The following SLC11A2 variants were observed in gnomAD, a reference collection of about 807,000 sequenced individuals.
SLC11A2 encodes solute carrier family 11 member 2, also known as natural resistance-associated macrophage protein 2.
A neutral mutation model predicts 68.0 loss-of-function variants in SLC11A2; 38 were observed. That is an observed-to-expected ratio of 0.56 (90% confidence interval 0.43 to 0.73). The LOEUF (loss-of-function observed/expected upper bound fraction) is 0.73, where lower values mean the gene tolerates loss of function less well. Ranked by LOEUF, SLC11A2 falls within the 30% of genes least tolerant of loss-of-function variation. SLC11A2 has a pLI of 0.00. For synonymous variants in SLC11A2, 242 were observed against 250.6 expected, an observed-to-expected ratio of 0.97 and a Z score of 0.32; for missense variants, 517 against 690.5, an observed-to-expected ratio of 0.75 and a Z score of 2.82.
At chr12:51,005,599 C>G (rs1437346518) in intron 3 of SLC11A2, 163 bp from the exon 4 acceptor site, 3 of 1,459,950 alleles carry the variant, frequency 2.1e-6, no homozygotes, top group East Asian at 5.9e-5. Flanking sequence ...ATCTTACCCA[C>G]TTTTTATTAA....
intron 2 of SLC11A2, among the ~76,000 whole-genome samples, chr12:51,010,455 T>C (rs1331919137): frequency 1.3e-5 from 2 of 149,546 alleles, no homozygotes; most frequent in East Asian, 2.0e-4. Flanking sequence ...GAGGCGGAGG[T>C]TGCAGTGAGC....
At chr12:50,961,808 G>A in the SLC11A2 span, among the ~76,000 whole-genome samples, 2 of 152,130 alleles carry the variant, frequency 1.3e-5, no homozygotes, top group East Asian at 3.9e-4. Context: ...GTCATCCTGC[G>A]TAGGATGGAA....
intron 15 of SLC11A2, among the ~76,000 whole-genome samples, chr12:50,989,756 CA>C (rs1230724349): frequency 1.3e-5 from 2 of 152,172 alleles, no homozygotes; most frequent in African/African-American, 4.8e-5. Flanking sequence ...AATAATTTTT[CA>C]ACATTTACTG....
At chr12:50,969,715 A>C in the SLC11A2 span, among the ~76,000 whole-genome samples, 1 of 150,888 alleles carries the variant, frequency 6.6e-6, no homozygotes, top group Non-Finnish European at 1.5e-5. Flanking sequence ...AAAAAAAAAA[A>C]CAAAAACAAA....
intron 5 of SLC11A2, chr12:51,000,722 C>A (rs1163594186): frequency 3.4e-6 from 2 of 585,066 alleles, no homozygotes; most frequent in African/African-American, 3.7e-5. Flanking sequence ...TTACTAACTT[C>A]CACTTAATTT....
At position 50,986,078 on chromosome 12, in the gene SLC11A2, C is replaced by T. The variant is rs1480232566; in HGVS notation, c.*2247G>A. 7.8e-7 allele frequency: 1 copy of T among 1,286,130 alleles called. No homozygotes were observed. Among genetic ancestry groups the T allele is most frequent in the Non-Finnish European group, 1.0e-6 (1 of 988,226 alleles). The allele number at this position is 1,286,130 out of a possible 1,614,324, so 79.7% of individuals were successfully genotyped here. A position where few individuals can be genotyped will look rare whatever the true frequency, so the allele number is the denominator to read the frequency against. On this transcript the variant is annotated 3_prime_UTR_variant, in exon 16 of 16. Coordinates refer to ENST00000262052, the MANE Select transcript of SLC11A2 (RefSeq NM_000617.3). ...AAAGCTCAGTTGTAACCACTCCTAA[C>T]ACCACTAGCAGAACCTCAAGGGAGC...
chr12:51,015,198 G>A (rs1401361632), intron 1 of SLC11A2, among the ~76,000 whole-genome samples: 16 of 131,278 alleles, frequency 1.2e-4, no homozygotes, highest in Admixed American at 3.3e-4. Flanking sequence ...GGGAGGGGCC[G>A]GGCGCAGTGG....
downstream of SLC11A2, among the ~76,000 whole-genome samples, chr12:50,982,620 C>T (rs939388401): frequency 2.0e-5 from 3 of 151,594 alleles, no homozygotes; most frequent in Non-Finnish European, 4.4e-5. Context: ...AGTCAGACTC[C>T]GTCTCAAAAA....
chr12:50,977,179 C>T (rs1382875988), downstream of SLC11A2, among the ~76,000 whole-genome samples: 1 of 152,172 alleles, frequency 6.6e-6, no homozygotes, highest in African/African-American at 2.4e-5. Flanking sequence ...AAAGAGCCTG[C>T]ATTGCCAAGT....
upstream of SLC11A2, chr12:51,028,501 A>G: frequency 2.7e-6 from 1 of 373,618 alleles, no homozygotes; most frequent in East Asian, 4.2e-5. Flanking sequence ...CTAAGATTTC[A>G]TCTCTGTACC....
chr12:51,016,295 C>A (rs536481708), intron 1 of SLC11A2, among the ~76,000 whole-genome samples: 54 of 152,170 alleles, frequency 3.5e-4, no homozygotes, highest in African/African-American at 1.3e-3. Flanking sequence ...ACCTGTAATC[C>A]CAGCACTTTC....
chr12:50,980,169 T>C (rs775591539), downstream of SLC11A2: 2 of 353,252 alleles, frequency 5.7e-6, no homozygotes, highest in Non-Finnish European at 1.1e-5. Context: ...GAAGTTGCAG[T>C]GAGCTGAGAT....
intron 1 of SLC11A2, among the ~76,000 whole-genome samples, chr12:51,016,498 A>G (rs937746604): frequency 1.3e-5 from 2 of 151,900 alleles, no homozygotes; most frequent in African/African-American, 2.4e-5. Flanking sequence ...CCTGGCCAAC[A>G]TGGTGAGACC....
chr12:51,005,500 T>G lies in SLC11A2; in HGVS notation c.184-64A>C, dbSNP rs764814897. On this transcript the variant is annotated intron_variant, in intron 3 of 15. Coordinates refer to ENST00000262052, the MANE Select transcript of SLC11A2 (RefSeq NM_000617.3). Reference sequence around the variant, plus strand: ...CATTGAACTACTGATATAATTGGTCTGTTATCACATATGAAGCAACAAAAT... The same window carrying G: ...CATTGAACTACTGATATAATTGGTCGGTTATCACATATGAAGCAACAAAAT... 3.8e-5 allele frequency: 61 copies of G among 1,604,584 alleles called. No individual in the cohort carries two copies. The Middle Eastern group carries it at 5.0e-4, about 13-fold the overall frequency.
At chr12:51,022,955 G>A (rs1241907335) in intron 1 of SLC11A2, among the ~76,000 whole-genome samples, 2 of 152,228 alleles carry the variant, frequency 1.3e-5, no homozygotes, top group Admixed American at 6.5e-5. Flanking sequence ...AAAAGTGGAA[G>A]AGAAGTTAGG....
downstream of SLC11A2, chr12:50,981,049 A>C (rs1412115687): frequency 6.6e-6 from 1 of 152,244 alleles, no homozygotes; most frequent in Non-Finnish European, 1.5e-5. Context: ...CAATTCAAGA[A>C]AAGTGACGAC....
chr12:50,986,880 T>G lies in SLC11A2; in HGVS notation c.*1445A>C. ...GTGCAAGTATCAGTAATAATGCTTT[T>G]GGGGGCTCAGATGAACAGCGAACAC... is the stretch of plus-strand genomic sequence containing the variant. On this transcript the variant is annotated 3_prime_UTR_variant, in exon 16 of 16. Transcript: ENST00000262052. 1 of 1,287,202 alleles carries G rather than the reference T, an allele frequency of 7.8e-7. No homozygotes were observed. The highest frequency in any genetic ancestry group is 1.0e-6 in the Non-Finnish European group (1 of 988,690). 79.7% of individuals were successfully genotyped at this position (1,287,202 alleles called of 1,614,324 possible). A position where few individuals can be genotyped will look rare whatever the true frequency, so the allele number is the denominator to read the frequency against.
chr12:51,026,138 C>G (rs1944368156), intron 1 of SLC11A2, 172 bp downstream of exon 1: 1 of 1,152,878 alleles, frequency 8.7e-7, no homozygotes, highest in African/African-American at 1.7e-5. Context: ...CAGTCCTGGA[C>G]TCTGGGCCTG....
the SLC11A2 span, chr12:50,953,808 C>T: frequency 1.9e-6 from 1 of 523,092 alleles, no homozygotes; most frequent in Non-Finnish European, 3.4e-6. Context: ...ATCCCCTTCC[C>T]CTGCAAAATG....
Sources: allele counts gnomAD v4.1 joint callset (sites outside exome capture counted in the v4.1 genomes callset), GRCh38; gene constraint gnomAD v4.1.1; transcripts MANE v1.5; gene names NCBI Gene and HGNC (gene_info 2026-07-23, HGNC 2026-07-21).